Variants in GRIK2 observed in about 807,000 individuals in gnomAD.
GRIK2 encodes the protein glutamate receptor ionotropic, kainate 2.
A neutral mutation model predicts 100.3 loss-of-function variants in GRIK2; 32 were observed. That is an observed-to-expected ratio of 0.32 (90% CI 0.24 to 0.43). The LOEUF is 0.43. GRIK2 is among the 20% of genes least tolerant of loss of function. The pLI is 1.00. For synonymous variants in GRIK2, 417 were observed against 389.4 expected (o/e 1.07, Z -0.83); for missense variants, 843 against 1,114.9 (o/e 0.76, Z 3.47).
intron 14 of GRIK2, among the ~76,000 whole-genome samples, chr6:101,981,038 T>C (rs578094453): frequency 1.3e-5 from 2 of 151,686 alleles, no homozygotes; most frequent in East Asian, 2.0e-4. Context: ...TAATCTGTTA[T>C]GTGAAACAGT....
chr6:101,904,777 T>G (rs528794591), intron 12 of GRIK2, among the ~76,000 whole-genome samples: 1 of 151,646 alleles, frequency 6.6e-6, no homozygotes, highest in South Asian at 2.1e-4. Context: ...GAAAGTATGT[T>G]AGAAAACAGT....
At chr6:101,959,759 T>C (rs750836741) in intron 14 of GRIK2, among the ~76,000 whole-genome samples, 2 of 152,134 alleles carry the variant, frequency 1.3e-5, no homozygotes, top group African/African-American at 2.4e-5. Flanking sequence ...TTAGAAGTGA[T>C]TAGACACTTC....
At chr6:101,500,076 G>A (rs1045463453) in intron 2 of GRIK2, among the ~76,000 whole-genome samples, 9 of 152,106 alleles carry the variant, frequency 5.9e-5, no homozygotes, top group African/African-American at 1.9e-4. Context: ...ATAAGAACTT[G>A]AAACACTGTA....
At chr6:101,434,829 A>G (rs72957668) in intron 2 of GRIK2, among the ~76,000 whole-genome samples, 5,441 of 152,210 alleles carry the variant, frequency 0.036, 134 homozygotes, top group Non-Finnish European at 0.056. Flanking sequence ...GCTGTTCACC[A>G]TAATTCCTGA....
At chr6:101,997,950 A>G (rs1369808927) in intron 14 of GRIK2, among the ~76,000 whole-genome samples, 1 of 152,148 alleles carries the variant, frequency 6.6e-6, no homozygotes, top group African/African-American at 2.4e-5. Context: ...ATTGAGATAA[A>G]GTTGACATAC....
intron 4 of GRIK2, among the ~76,000 whole-genome samples, chr6:101,646,251 A>G (rs1287167125): frequency 1.8e-4 from 28 of 151,886 alleles, no homozygotes; most frequent in Non-Finnish European, 4.1e-4. Context: ...GAGTCCAATA[A>G]CTATATTCTG....
intron 2 of GRIK2, among the ~76,000 whole-genome samples, chr6:101,598,529 G>A (rs1446954775): frequency 1.4e-5 from 2 of 146,598 alleles, no homozygotes; most frequent in African/African-American, 5.0e-5. Flanking sequence ...GCATGGTGTG[G>A]TAGAAAGCTC....
At chr6:101,943,004 C>T (rs1209991883) in intron 14 of GRIK2, among the ~76,000 whole-genome samples, 1 of 152,202 alleles carries the variant, frequency 6.6e-6, no homozygotes, top group Non-Finnish European at 1.5e-5. Flanking sequence ...CCTTCGCAGG[C>T]CTAGAGGCCT....
chr6:101,964,880 T>G (rs555310019), intron 14 of GRIK2, among the ~76,000 whole-genome samples: 9 of 151,982 alleles, frequency 5.9e-5, no homozygotes, highest in African/African-American at 1.7e-4. Context: ...GAGTCAGGCA[T>G]AGAGAGAGAG....
chr6:101,716,255 G>A (rs1025120106), intron 7 of GRIK2, among the ~76,000 whole-genome samples: 3 of 151,636 alleles, frequency 2.0e-5, no homozygotes. Flanking sequence ...CTGAGGGCCT[G>A]TGATAATAAA....
intron 8 of GRIK2, among the ~76,000 whole-genome samples, chr6:101,800,420 A>G (rs185609703): frequency 1.3e-5 from 2 of 152,142 alleles, no homozygotes; most frequent in Admixed American, 6.6e-5. Flanking sequence ...GTATACGTAT[A>G]TATTTTTCCT....
At chr6:101,584,870 C>T (rs1430726839) in intron 2 of GRIK2, among the ~76,000 whole-genome samples, 1 of 151,948 alleles carries the variant, frequency 6.6e-6, no homozygotes, top group East Asian at 1.9e-4. Context: ...ATTACAGAAC[C>T]TGACTTTTAG....
chr6:101,588,409 G>A (rs1778479028), intron 2 of GRIK2, among the ~76,000 whole-genome samples: 1 of 151,928 alleles, frequency 6.6e-6, no homozygotes, highest in African/African-American at 2.4e-5. Flanking sequence ...GTACAATTCA[G>A]GATAAATGTA....
chr6:101,875,585 C>G (rs73761453), intron 11 of GRIK2, among the ~76,000 whole-genome samples: 1 of 151,578 alleles, frequency 6.6e-6, no homozygotes, highest in Admixed American at 6.6e-5. Flanking sequence ...ATGAAAATTT[C>G]ATTTCTGTTT....
intron 7 of GRIK2, among the ~76,000 whole-genome samples, chr6:101,727,553 A>G (rs1462549540): frequency 6.6e-6 from 1 of 152,250 alleles, no homozygotes; most frequent in East Asian, 1.9e-4. Flanking sequence ...TGATAGGCAT[A>G]TCACTTGTTG....
At chr6:101,551,135 G>C (rs1284525088) in intron 2 of GRIK2, among the ~76,000 whole-genome samples, 1 of 152,138 alleles carries the variant, frequency 6.6e-6, no homozygotes. Flanking sequence ...CATGTTTCCT[G>C]AGAGCTTTTT....
At chr6:101,721,715 C>A (rs1312004862) in intron 7 of GRIK2, among the ~76,000 whole-genome samples, 1 of 151,954 alleles carries the variant, frequency 6.6e-6, no homozygotes, top group Non-Finnish European at 1.5e-5. Context: ...AACTATACCA[C>A]TTTCTCTGGT....
At chr6:101,531,165 TA>T (rs1248414180) in intron 2 of GRIK2, among the ~76,000 whole-genome samples, 1 of 151,976 alleles carries the variant, frequency 6.6e-6, no homozygotes, top group Non-Finnish European at 1.5e-5. Context: ...ATAAACCCAT[TA>T]GAAATACGGA....
At chr6:101,692,985 T>C (rs540078129) in intron 7 of GRIK2, among the ~76,000 whole-genome samples, 9 of 152,216 alleles carry the variant, frequency 5.9e-5, no homozygotes, top group Admixed American at 2.6e-4. Context: ...TTATTTTATG[T>C]ACATATTAAT....
Sources: allele counts gnomAD v4.1 joint callset (sites outside exome capture counted in the v4.1 genomes callset), GRCh38; gene constraint gnomAD v4.1.1; transcripts MANE v1.5; gene names NCBI Gene and HGNC (gene_info 2026-07-23, HGNC 2026-07-21).